TBC1D14: variants seen among roughly 807,000 people sequenced by gnomAD.
TBC1D14 encodes the protein TBC1 domain family, member 14.
TBC1D14 carries 26 observed loss-of-function variants against 79.0 expected under a neutral mutation model. The observed-to-expected ratio is 0.33, with a 90% CI of 0.24 to 0.46. The LOEUF is 0.46. Among genes scored for constraint, TBC1D14 ranks in the 20% least tolerant of loss-of-function variants. TBC1D14 has a pLI of 1.00. For synonymous variants in TBC1D14, 394 were observed against 349.9 expected (o/e 1.13, Z -1.40); for missense variants, 769 against 887.6 (o/e 0.87, Z 1.70).
chr4:6,915,641 C>T lies in TBC1D14; in HGVS notation c.-18+5690C>T, dbSNP rs149961361. Among the ~76,000 whole-genome samples, 4 of 152,184 alleles carry T rather than the reference C, an allele frequency of 2.6e-5. No individual in the cohort carries two copies. The South Asian group carries it at 6.2e-4, about 24-fold the overall frequency. On this transcript the variant is annotated intron_variant, in intron 1 of 13. Transcript: ENST00000409757. ...GCTGCTGAGGGGCTGTGAGGCAGAA[C>T]GGTGTATTTAGAGTTCAGGACGGTA...
At chr4:6,922,408 G>C (rs1189814253) in intron 1 of TBC1D14, among the ~76,000 whole-genome samples, 3 of 152,090 alleles carry the variant, frequency 2.0e-5, no homozygotes, top group Non-Finnish European at 4.4e-5. Flanking sequence ...ACCTACGTGT[G>C]GTCTCCTTTG....
At chr4:6,927,510 G>T (rs1297795997) in intron 2 of TBC1D14, among the ~76,000 whole-genome samples, 1 of 152,224 alleles carries the variant, frequency 6.6e-6, no homozygotes, top group African/African-American at 2.4e-5. Flanking sequence ...GGTTCTAACA[G>T]AAACATTATC....
chr4:7,025,158 A>G lies in TBC1D14; in HGVS notation c.1912A>G (p.Met638Val), dbSNP rs201390714. 201 of 1,614,180 alleles carry G rather than the reference A, an allele frequency of 1.2e-4. No homozygotes were observed. The East Asian group carries it at 4.3e-3, about 35-fold the overall frequency. The part of the protein sequence containing the change: ...DILTKMDFIH[M>V]AQFLTRLPED... ...CCTGACCAAGATGGACTTCATTCAC[A>G]TGGCCCAGTTCCTGACCCGGCTGCC... is the stretch of plus-strand genomic sequence containing the variant. Residue 638 changes from methionine to valine, a missense_variant, in exon 13 of 14, where the codon ATG (methionine) becomes GTG (valine). Coordinates refer to ENST00000409757, the MANE Select transcript of TBC1D14 (RefSeq NM_020773.3).
intron 10 of TBC1D14, 86 bp downstream of exon 10, chr4:7,010,034 A>C: frequency 4.2e-5 from 62 of 1,465,956 alleles, no homozygotes; most frequent in Non-Finnish European, 5.3e-5. Flanking sequence ...TGCAAATGTC[A>C]TGCCAGTGCC....
At chr4:6,977,967 A>G (rs1264836735) in intron 3 of TBC1D14, among the ~76,000 whole-genome samples, 5 of 142,778 alleles carry the variant, frequency 3.5e-5, no homozygotes, top group South Asian at 2.3e-4. Flanking sequence ...CTGCCTGGCA[A>G]CCGCCCCGTC....
At chr4:6,991,774 T>C (rs1051882849) in intron 3 of TBC1D14, among the ~76,000 whole-genome samples, 3 of 152,184 alleles carry the variant, frequency 2.0e-5, no homozygotes, top group African/African-American at 7.2e-5. Flanking sequence ...GAGATGGAGT[T>C]AACCCAGTGT....
chr4:6,963,113 C>T (rs1715379747), intron 2 of TBC1D14, among the ~76,000 whole-genome samples: 2 of 152,238 alleles, frequency 1.3e-5, no homozygotes, highest in Admixed American at 1.3e-4. Context: ...GCAGGGGAGC[C>T]CAGGCCCGGC....
intron 12 of TBC1D14, among the ~76,000 whole-genome samples, chr4:7,019,523 C>T (rs975921714): frequency 1.3e-5 from 2 of 152,182 alleles, no homozygotes; most frequent in African/African-American, 2.4e-5. Context: ...GAGGGAAGAG[C>T]GTCCCCTGCC....
At chr4:6,999,490 A>G (rs1160847714) in intron 6 of TBC1D14, among the ~76,000 whole-genome samples, 2 of 152,026 alleles carry the variant, frequency 1.3e-5, no homozygotes, top group Non-Finnish European at 2.9e-5. Flanking sequence ...ACTTCCTGTG[A>G]CTGTCAGTAC....
In TBC1D14 at chr4:6,967,379, G is replaced by A. The variant is rs371979159; in HGVS notation, c.798G>A (p.Ala266=). ...NDLGWKLFGK[A]PLRENAQKDS... ...TGGGATGGAAGTTATTTGGGAAAGCGCCACTCCGAGAGAATGCCCAGAAGG... is the reference window on the plus strand; with the variant it reads ...TGGGATGGAAGTTATTTGGGAAAGCACCACTCCGAGAGAATGCCCAGAAGG... Residue 266 remains alanine (A), a synonymous_variant, in exon 3 of 14, where the codon GCG becomes GCA. Transcript: ENST00000409757. 5.0e-6 allele frequency: 8 copies of A among 1,614,010 alleles called. No homozygotes were observed. In the East Asian group the frequency reaches 1.3e-4, roughly 27 times the overall value.
At chr4:6,993,908 G>A (rs1457895055) in intron 3 of TBC1D14, among the ~76,000 whole-genome samples, 1 of 152,174 alleles carries the variant, frequency 6.6e-6, no homozygotes, top group Admixed American at 6.5e-5. Flanking sequence ...TACTTGAGAG[G>A]CTTAGGCAGG....
At position 7,030,363 on chromosome 4, in the gene TBC1D14, G is replaced by C. The variant is rs916647111; in HGVS notation, c.2053G>C (p.Glu685Gln). Residue 685 changes from glutamate to glutamine, a missense_variant, in exon 14 of 14, where the codon GAG becomes CAG. Around this residue, in one of 2 missense-constraint regions of TBC1D14, gnomAD observed 367 missense variants for 494.4 expected, o/e 0.74. Transcript: ENST00000409757. ...ATTGCAGAAAGACAGCCGGGAAATG[G>C]AGAAGGGAAGTCCGTCCCTCCGACA... ...TALQKDSREM[E>Q]KGSPSLRH 1.2e-6 allele frequency: 2 copies of C among 1,613,956 alleles called. No homozygotes were observed. The highest frequency in any genetic ancestry group is 2.7e-5 in the African/African-American group (2 of 74,940).
intron 12 of TBC1D14, among the ~76,000 whole-genome samples, chr4:7,014,924 A>G (rs6826000): frequency 0.89 from 135,334 of 152,274 alleles, 60,398 homozygotes; most frequent in East Asian, 0.98. Context: ...GTGTCCATGG[A>G]CACTGTCCAC....
Position 6,920,724 on chromosome 4 carries a change from A to G in TBC1D14, c.-17-2649A>G, listed in dbSNP as rs941004195. Reference sequence around the variant, plus strand: ...TAGAGCCCAGGAGCGTGTGAGTCCAAAGCCCTGTTCTTTCTGTTGTTCTCT... The same window carrying G: ...TAGAGCCCAGGAGCGTGTGAGTCCAGAGCCCTGTTCTTTCTGTTGTTCTCT... On this transcript the variant is annotated intron_variant, in intron 1 of 13. Transcript: ENST00000409757. 3.3e-5 allele frequency among the ~76,000 whole-genome samples: 5 copies of G among 152,282 alleles called. No homozygotes were observed. The East Asian group carries it at 9.6e-4, about 29-fold the overall frequency.
intron 2 of TBC1D14, among the ~76,000 whole-genome samples, chr4:6,956,402 T>C (rs531083274): frequency 6.6e-6 from 1 of 152,312 alleles, no homozygotes; most frequent in East Asian, 1.9e-4. Flanking sequence ...TGTTTAAAAA[T>C]GTTGAACAAA....
chr4:7,010,826 T>C (rs763052055), intron 11 of TBC1D14, 45 bp downstream of exon 11: 1 of 1,580,678 alleles, frequency 6.3e-7, no homozygotes, highest in Middle Eastern at 1.7e-4. Context: ...TGTCTTTAAA[T>C]GTCAAGAGTT....
chr4:6,996,589 C>T (rs563172862), intron 5 of TBC1D14, among the ~76,000 whole-genome samples, 182 bp downstream of exon 5: 4 of 150,910 alleles, frequency 2.7e-5, no homozygotes, highest in South Asian at 4.2e-4. Flanking sequence ...AACAGGGCTG[C>T]AGGGTGGCGT....
At chr4:6,987,600 C>G (rs1166946272) in intron 3 of TBC1D14, 5 of 396,030 alleles carry the variant, frequency 1.3e-5, no homozygotes, top group African/African-American at 1.0e-4. Context: ...GTATTTTCTT[C>G]TGGTTCACGT....
intron 12 of TBC1D14, among the ~76,000 whole-genome samples, chr4:7,018,556 C>G (rs1481565549): frequency 6.6e-6 from 1 of 152,208 alleles, no homozygotes; most frequent in Non-Finnish European, 1.5e-5. Context: ...TGTCCTAGGT[C>G]AAAGAATGCG....
Sources: gnomAD v4.1 joint callset for allele counts (sites outside exome capture counted in the v4.1 genomes callset) on GRCh38, gnomAD v4.1.1 for gene constraint, gnomAD v4.1.1 regional missense constraint, MANE v1.5 for transcripts, NCBI Gene and HGNC (gene_info 2026-07-23, HGNC 2026-07-21) for gene names.